The following LRP1B variants were observed in gnomAD, a reference collection of about 807,000 sequenced individuals.
LRP1B encodes low-density lipoprotein receptor-related protein 1B.
Under a neutral mutation model 556.6 loss-of-function variants are expected in LRP1B, and 217 were observed. The ratio of observed to expected loss-of-function variants is 0.39; its 90% CI spans 0.35 to 0.44. LRP1B has a LOEUF of 0.44. Among genes scored for constraint, LRP1B ranks in the 20% least tolerant of loss-of-function variants. LRP1B has a pLI of 1.00. For missense variants in LRP1B, 5,053 were observed against 5,620.8 expected, an observed-to-expected ratio of 0.90 and a Z score of 3.23; for synonymous variants, 2,047 against 1,865.8, an observed-to-expected ratio of 1.10 and a Z score of -2.50.
At chr2:141,903,036 C>T (rs1699664573) in intron 1 of LRP1B, among the ~76,000 whole-genome samples, 1 of 151,932 alleles carries the variant, frequency 6.6e-6, no homozygotes, top group Admixed American at 6.6e-5. Context: ...CTGACTCTTC[C>T]CAACTCCCTG....
At chr2:140,677,458 GAGA>G (rs949935381) in intron 41 of LRP1B, among the ~76,000 whole-genome samples, 15 of 151,946 alleles carry the variant, frequency 9.9e-5, no homozygotes, top group South Asian at 8.3e-4. Flanking sequence ...TGAACAGAGA[GAGA>G]GAAAAAAAAC....
At chr2:140,902,197 G>A (rs1161067072) in intron 23 of LRP1B, among the ~76,000 whole-genome samples, 1 of 152,096 alleles carries the variant, frequency 6.6e-6, no homozygotes, top group Non-Finnish European at 1.5e-5. Flanking sequence ...AGACTTCTAA[G>A]TTTCCTGTGG....
chr2:141,864,320 G>A (rs1057137167), intron 1 of LRP1B, among the ~76,000 whole-genome samples: 2 of 152,056 alleles, frequency 1.3e-5, no homozygotes, highest in Non-Finnish European at 2.9e-5. Flanking sequence ...TAATTTCCTT[G>A]GATTAGAAAT....
rs1680722391 is a variant in LRP1B, at chr2:140,556,118, G to T, written c.7195-14147C>A. ...GCAGGGTGTCTCCAACGGGGCTCAG[G>T]ACACATTACCCCAAAATATGGAACC... is the stretch of plus-strand genomic sequence containing the variant. On this transcript the variant is annotated intron_variant, in intron 43 of 90. Transcript: ENST00000389484. Among the ~76,000 whole-genome samples the T allele has an allele frequency of 1.3e-5, 2 of 151,954 alleles. 1 individual carries two copies. The highest frequency in any genetic ancestry group is 4.2e-4 in the South Asian group (2 of 4,816).
chr2:140,546,000 TTGTGTGTGTG>T (rs148045904), intron 43 of LRP1B, among the ~76,000 whole-genome samples: 26 of 142,696 alleles, frequency 1.8e-4, no homozygotes, highest in African/African-American at 5.5e-4. Flanking sequence ...TATTATTAGG[TTGTGTGTGTG>T]TGTGTGTGTG....
chr2:141,231,391 C>T (rs1305298830), intron 5 of LRP1B, among the ~76,000 whole-genome samples: 4 of 152,156 alleles, frequency 2.6e-5, no homozygotes, highest in African/African-American at 9.7e-5. Flanking sequence ...TTTTTATCCC[C>T]ATCATGCTAG....
At chr2:141,773,502 A>G (rs1173760900) in intron 2 of LRP1B, among the ~76,000 whole-genome samples, 2 of 152,218 alleles carry the variant, frequency 1.3e-5, no homozygotes, top group Non-Finnish European at 2.9e-5. Flanking sequence ...ATCACTACAA[A>G]GTAGCAAAGG....
intron 75 of LRP1B, among the ~76,000 whole-genome samples, chr2:140,356,092 C>A (rs1282368376): frequency 6.6e-6 from 1 of 151,800 alleles, no homozygotes; most frequent in Non-Finnish European, 1.5e-5. Flanking sequence ...AGTATTGTAG[C>A]AATAGAATTG....
At chr2:140,304,578 G>C (rs1286186900) in intron 83 of LRP1B, among the ~76,000 whole-genome samples, 4 of 152,110 alleles carry the variant, frequency 2.6e-5, no homozygotes, top group African/African-American at 9.7e-5. Context: ...TGAGTAGATT[G>C]CAAAAATGTT....
At chr2:141,254,385 C>A (rs1684382531) in intron 4 of LRP1B, 137 bp downstream of exon 4, 2 of 802,310 alleles carry the variant, frequency 2.5e-6, no homozygotes, top group African/African-American at 1.8e-5. Flanking sequence ...GTTGGGGGGG[C>A]AACTTTTAAA....
chr2:140,879,808 G>A (rs1252505043), intron 25 of LRP1B, among the ~76,000 whole-genome samples: 1 of 151,946 alleles, frequency 6.6e-6, no homozygotes, highest in African/African-American at 2.4e-5. Flanking sequence ...TACAGATGCT[G>A]CAGTTCCTCC....
At chr2:140,996,582 G>A (rs1697251799) in intron 15 of LRP1B, among the ~76,000 whole-genome samples, 2 of 152,006 alleles carry the variant, frequency 1.3e-5, no homozygotes, top group South Asian at 4.1e-4. Context: ...AGGGTGTAGA[G>A]TTTATGCTCA....
At chr2:140,662,042 A>G (rs1685115873) in intron 41 of LRP1B, among the ~76,000 whole-genome samples, 1 of 152,150 alleles carries the variant, frequency 6.6e-6, no homozygotes, top group South Asian at 2.1e-4. Context: ...CTAACGAACA[A>G]GAATAAAGTA....
chr2:141,524,308 T>C (rs1684623773), intron 2 of LRP1B, among the ~76,000 whole-genome samples: 1 of 151,076 alleles, frequency 6.6e-6, no homozygotes. Flanking sequence ...ACATGTTATG[T>C]TGCCTTTCTT....
chr2:141,974,627 T>A (rs1159417838), intron 1 of LRP1B, among the ~76,000 whole-genome samples: 1 of 152,030 alleles, frequency 6.6e-6, no homozygotes, highest in Non-Finnish European at 1.5e-5. Context: ...GTGGAAAAAC[T>A]ACAGGAAAAG....
intron 79 of LRP1B, among the ~76,000 whole-genome samples, chr2:140,331,359 C>G (rs371402134): frequency 1.3e-5 from 2 of 152,050 alleles, no homozygotes; most frequent in East Asian, 3.9e-4. Flanking sequence ...CTGCCACACA[C>G]TTGATTGAAA....
chr2:141,437,843 A>G (rs1193591553), intron 3 of LRP1B, among the ~76,000 whole-genome samples: 1 of 152,064 alleles, frequency 6.6e-6, no homozygotes, highest in Non-Finnish European at 1.5e-5. Context: ...ACAGATTTTT[A>G]TATGTAAACT....
intron 43 of LRP1B, among the ~76,000 whole-genome samples, chr2:140,571,721 C>T (rs1036024755): frequency 6.6e-6 from 1 of 151,472 alleles, no homozygotes; most frequent in African/African-American, 2.4e-5. Flanking sequence ...AGTAAAAAAA[C>T]AAAGATAAAG....
At chr2:141,146,066 A>T (rs1002419921) in intron 7 of LRP1B, among the ~76,000 whole-genome samples, 36 of 151,424 alleles carry the variant, frequency 2.4e-4, no homozygotes, top group African/African-American at 8.7e-4. Context: ...CTGGGCTTAC[A>T]GGTGTATGCC....
Sources: allele counts gnomAD v4.1 joint callset (sites outside exome capture counted in the v4.1 genomes callset), GRCh38; gene constraint gnomAD v4.1.1; transcripts MANE v1.5; gene names NCBI Gene and HGNC (gene_info 2026-07-23, HGNC 2026-07-21).